STAG1: variants seen among roughly 807,000 people sequenced by gnomAD.
STAG1 encodes STAG1 cohesin complex component, also known as cohesin subunit SA-1.
Under a neutral mutation model 170.9 loss-of-function variants are expected in STAG1, and 26 were observed. That is an observed-to-expected ratio of 0.15 (90% CI 0.11 to 0.21). The LOEUF (loss-of-function observed/expected upper bound fraction) is 0.21, where lower values mean the gene tolerates loss of function less well. Ranked by LOEUF, STAG1 falls within the 10% of genes least tolerant of loss-of-function variation. The pLI, the probability that STAG1 is intolerant of heterozygous loss-of-function variation, is 1.00. For synonymous variants in STAG1, 514 were observed against 497.7 expected, an observed-to-expected ratio of 1.03 and a Z score of -0.44; for missense variants, 964 against 1,509.5, an observed-to-expected ratio of 0.64 and a Z score of 5.99.
At chr3:136,552,203 A>T (rs748945499) in intron 5 of STAG1, among the ~76,000 whole-genome samples, 1 of 152,224 alleles carries the variant, frequency 6.6e-6, no homozygotes, top group East Asian at 1.9e-4. Flanking sequence ...AGCAGAAATT[A>T]CATTACAACA....
intron 1 of STAG1, among the ~76,000 whole-genome samples, chr3:136,711,394 T>C (rs1262746129): frequency 6.6e-6 from 1 of 152,060 alleles, no homozygotes; most frequent in East Asian, 1.9e-4. Context: ...CTCTCGTCTC[T>C]ACAAATAATT....
intron 4 of STAG1, among the ~76,000 whole-genome samples, chr3:136,590,755 C>T (rs1167836170): frequency 6.6e-6 from 1 of 152,018 alleles, no homozygotes; most frequent in East Asian, 1.9e-4. Context: ...ATGATGATAG[C>T]TTTATAAAAA....
At chr3:136,409,026 G>A (rs1333141557) in intron 21 of STAG1, among the ~76,000 whole-genome samples, 2 of 152,106 alleles carry the variant, frequency 1.3e-5, no homozygotes, top group South Asian at 2.1e-4. Flanking sequence ...AGCACTTTGG[G>A]AGGCCGAGGC....
intron 15 of STAG1, among the ~76,000 whole-genome samples, chr3:136,435,193 C>A (rs995355500): frequency 6.6e-6 from 1 of 152,076 alleles, no homozygotes; most frequent in Non-Finnish European, 1.5e-5. Context: ...ATTTCTATAA[C>A]GCTAATAGCA....
intron 4 of STAG1, among the ~76,000 whole-genome samples, chr3:136,596,985 G>A (rs1008372596): frequency 6.6e-6 from 1 of 152,168 alleles, no homozygotes; most frequent in Non-Finnish European, 1.5e-5. Context: ...TGAGGCACAA[G>A]AATCACTTGA....
intron 12 of STAG1, among the ~76,000 whole-genome samples, chr3:136,470,728 C>G (rs1048253819): frequency 6.6e-6 from 1 of 152,126 alleles, no homozygotes; most frequent in South Asian, 2.1e-4. Flanking sequence ...AGACTTAGAA[C>G]CAACCCAAAT....
intron 1 of STAG1, among the ~76,000 whole-genome samples, chr3:136,654,603 G>GT (rs1941316600): frequency 6.6e-6 from 1 of 152,150 alleles, no homozygotes; most frequent in African/African-American, 2.4e-5. Context: ...AATAACAACA[G>GT]TATTTTTTGC....
chr3:136,722,829 T>C (rs973059349), intron 1 of STAG1, among the ~76,000 whole-genome samples: 12 of 152,236 alleles, frequency 7.9e-5, no homozygotes, highest in Middle Eastern at 3.4e-3. Context: ...GTGCCTGCGA[T>C]TGCAGGCGCG....
At position 136,598,411 on chromosome 3, in the gene STAG1, T is replaced by C. The variant is rs1320494839; in HGVS notation, c.297+5898A>G. ...ACATTACAACTCTGTATATCTCCTCTTTAATACAACCTTTTTTTTTTTTCT... is the reference window on the plus strand; with the variant it reads ...ACATTACAACTCTGTATATCTCCTCCTTAATACAACCTTTTTTTTTTTTCT... On this transcript the variant is annotated intron_variant, in intron 4 of 33. Coordinates refer to ENST00000383202, the MANE Select transcript of STAG1 (RefSeq NM_005862.3). Among the ~76,000 whole-genome samples the C allele has an allele frequency of 2.6e-5, 4 of 152,138 alleles. No individual in the cohort carries two copies. The East Asian group carries it at 7.7e-4, about 29-fold the overall frequency.
chr3:136,601,681 C>A (rs796103707), intron 4 of STAG1, among the ~76,000 whole-genome samples: 13 of 151,796 alleles, frequency 8.6e-5, no homozygotes, highest in African/African-American at 3.1e-4. Flanking sequence ...AACAAACAAA[C>A]AAAAAATTAG....
At chr3:136,413,609 C>T (rs1398900788) in intron 21 of STAG1, among the ~76,000 whole-genome samples, 16 of 151,982 alleles carry the variant, frequency 1.1e-4, no homozygotes, top group African/African-American at 3.9e-4. Context: ...CAGACATGTG[C>T]CACCATGCCC....
intron 4 of STAG1, among the ~76,000 whole-genome samples, chr3:136,570,445 G>A (rs1937228264): frequency 1.3e-5 from 2 of 152,082 alleles, no homozygotes; most frequent in African/African-American, 2.4e-5. Context: ...TTTTACTGTT[G>A]AGGAATATGA....
At chr3:136,611,306 T>C (rs1053774260) in intron 3 of STAG1, among the ~76,000 whole-genome samples, 29 of 151,924 alleles carry the variant, frequency 1.9e-4, no homozygotes, top group Admixed American at 2.0e-4. Context: ...TGCGCCACCA[T>C]GCCCGGCTAA....
In STAG1 at chr3:136,338,165, A is replaced by C; in HGVS notation, c.*89T>G. On this transcript the variant is annotated 3_prime_UTR_variant, in exon 34 of 34. Coordinates refer to ENST00000383202, the MANE Select transcript of STAG1 (RefSeq NM_005862.3). The stretch of plus-strand genomic sequence containing the variant: ...TTAAAAAACAAATCAGATCACATCA[A>C]AAGTGTTTTTCCCCATACAAGCTAT... 2 of 860,008 alleles carry C rather than the reference A, an allele frequency of 2.3e-6. No homozygotes were observed. Among genetic ancestry groups the C allele is most frequent in the Non-Finnish European group, 1.9e-6 (1 of 523,948 alleles). The allele number at this position is 860,008 out of a possible 1,614,324, so 53.3% of individuals were successfully genotyped here.
chr3:136,738,635 A>G (rs1201044803), intron 1 of STAG1, among the ~76,000 whole-genome samples: 1 of 152,218 alleles, frequency 6.6e-6, no homozygotes, highest in Non-Finnish European at 1.5e-5. Flanking sequence ...AGCCTAGGCA[A>G]CAGAACAAGA....
At chr3:136,421,715 G>A (rs2087962384) in intron 19 of STAG1, among the ~76,000 whole-genome samples, 1 of 152,116 alleles carries the variant, frequency 6.6e-6, no homozygotes, top group Non-Finnish European at 1.5e-5. Flanking sequence ...GATATCTTGG[G>A]CATACCATTG....
At chr3:136,550,408 C>T (rs747107380) in intron 5 of STAG1, among the ~76,000 whole-genome samples, 5 of 151,694 alleles carry the variant, frequency 3.3e-5, no homozygotes, top group African/African-American at 4.9e-5. Context: ...CCCGGATTCA[C>T]GCCATTCTCC....
chr3:136,603,914 A>C (rs1020231567), intron 4 of STAG1, among the ~76,000 whole-genome samples: 1 of 152,004 alleles, frequency 6.6e-6, no homozygotes, highest in Non-Finnish European at 1.5e-5. Context: ...GAAAGAAAGA[A>C]AGTTACAAAT....
chr3:136,533,549 G>A (rs191445424), intron 6 of STAG1, among the ~76,000 whole-genome samples: 163 of 152,254 alleles, frequency 1.1e-3, no homozygotes, highest in African/African-American at 3.7e-3. Flanking sequence ...GAACGTGAAG[G>A]TGAGCCAGTG....
Sources: allele counts gnomAD v4.1 joint callset (sites outside exome capture counted in the v4.1 genomes callset), GRCh38; gene constraint gnomAD v4.1.1; transcripts MANE v1.5; gene names NCBI Gene and HGNC (gene_info 2026-07-23, HGNC 2026-07-21).